ARHGEF7: variants seen among roughly 807,000 people sequenced by gnomAD.
The protein encoded by ARHGEF7 is Rho guanine nucleotide exchange factor 7, also known as PAK-interacting exchange factor beta.
Under a neutral mutation model 109.8 loss-of-function variants are expected in ARHGEF7, and 33 were observed. The ratio of observed to expected loss-of-function variants is 0.30; its 90% confidence interval spans 0.23 to 0.40. The LOEUF (loss-of-function observed/expected upper bound fraction) is 0.40, where lower values mean the gene tolerates loss of function less well. Among genes scored for constraint, ARHGEF7 ranks in the 10% least tolerant of loss-of-function variants. The pLI, the probability that ARHGEF7 is intolerant of heterozygous loss-of-function variation, is 1.00. For synonymous variants in ARHGEF7, 458 were observed against 424.6 expected, an observed-to-expected ratio of 1.08 and a Z score of -0.97; for missense variants, 938 against 1,098.5, an observed-to-expected ratio of 0.85 and a Z score of 2.07.
chr13:111,186,893 C>T (rs770938024), intron 2 of ARHGEF7: 8 of 985,538 alleles, frequency 8.1e-6, no homozygotes, highest in Non-Finnish European at 9.6e-6. Flanking sequence ...ACGACTACTT[C>T]TTTCCCCATT....
intron 8 of ARHGEF7, among the ~76,000 whole-genome samples, chr13:111,245,798 C>G (rs1164414475): frequency 6.6e-6 from 1 of 152,228 alleles, no homozygotes; most frequent in African/African-American, 2.4e-5. Flanking sequence ...TGCCTTTTGT[C>G]TAACATTTCC....
chr13:111,188,869 T>A (rs988017127), intron 2 of ARHGEF7, among the ~76,000 whole-genome samples: 4 of 152,224 alleles, frequency 2.6e-5, no homozygotes, highest in African/African-American at 7.2e-5. Context: ...TTTCCTCTCC[T>A]TCAGGAATAA....
At chr13:111,216,277 T>TG (rs1053343228) in intron 4 of ARHGEF7, among the ~76,000 whole-genome samples, 27 of 151,452 alleles carry the variant, frequency 1.8e-4, no homozygotes, top group Admixed American at 2.6e-4. Flanking sequence ...TGTTGCTGGA[T>TG]GGGGGGGTGA....
intron 17 of ARHGEF7, among the ~76,000 whole-genome samples, chr13:111,287,320 G>A (rs868216756): frequency 2.0e-5 from 3 of 152,270 alleles, no homozygotes; most frequent in East Asian, 3.9e-4. Context: ...TGGCTGTGCC[G>A]GGGCTTCTCT....
intron 2 of ARHGEF7, among the ~76,000 whole-genome samples, chr13:111,195,486 A>G (rs1182415493): frequency 6.6e-6 from 1 of 152,242 alleles, no homozygotes; most frequent in Non-Finnish European, 1.5e-5. Flanking sequence ...ATAGTCGTCC[A>G]GGACTGGAGA....
chr13:111,166,277 A>C (rs2077118967), intron 2 of ARHGEF7, among the ~76,000 whole-genome samples: 1 of 152,132 alleles, frequency 6.6e-6, no homozygotes, highest in South Asian at 2.1e-4. Flanking sequence ...AGAGATGGGG[A>C]ATAATAGGAA....
chr13:111,153,896 G>C lies in ARHGEF7; in HGVS notation c.166-9G>C. On this transcript the variant is annotated splice_polypyrimidine_tract_variant and intron_variant, in intron 1 of 21. Coordinates refer to ENST00000646102, the MANE Select transcript of ARHGEF7 (RefSeq NM_001354046.2). ...CCACGGCGCTCAGCGCTTGTGCTCT[G>C]TATTGCAGGTCTACCCCGAGCCCCG... 2 of 1,601,420 alleles carry C rather than the reference G, an allele frequency of 1.2e-6. No homozygotes were observed. Among genetic ancestry groups the C allele is most frequent in the Non-Finnish European group, 1.7e-6 (2 of 1,175,760 alleles).
intron 2 of ARHGEF7, among the ~76,000 whole-genome samples, chr13:111,197,786 G>T (rs183502083): frequency 2.0e-5 from 3 of 152,226 alleles, no homozygotes; most frequent in Admixed American, 2.0e-4. Context: ...TGATTGGCGG[G>T]CCCGGGTGCC....
chr13:111,281,902 G>A (rs992247351), intron 15 of ARHGEF7, among the ~76,000 whole-genome samples: 2 of 152,218 alleles, frequency 1.3e-5, no homozygotes, highest in Non-Finnish European at 2.9e-5. Flanking sequence ...GATGTATTCT[G>A]TGATCCAACT....
Position 111,243,903 on chromosome 13 carries a change from A to T in ARHGEF7, c.791A>T (p.Glu264Val), listed in dbSNP as rs368504777. The T allele has an allele frequency of 3.1e-6, 5 of 1,612,060 alleles. No homozygotes were observed. Among genetic ancestry groups the T allele is most frequent in the Non-Finnish European group, 4.2e-6 (5 of 1,178,642 alleles). ...VLQNILETENEYSKELQTVLS... is the reference protein window; with the variant it reads ...VLQNILETENVYSKELQTVLS... Reference sequence around the variant, plus strand: ...CAGAATATTTTAGAAACAGAAAATGAATATTCTAAAGAACTTCAGACTGTG... The same window carrying T: ...CAGAATATTTTAGAAACAGAAAATGTATATTCTAAAGAACTTCAGACTGTG... The change falls in exon 7 of 22, where the codon GAA (glutamate) becomes GTA (valine). Residue 264 changes from glutamate to valine, a missense_variant. By Grantham distance (121) the Glu-to-Val change is moderately radical. This residue lies in a region of ARHGEF7 where 585 missense variants were observed against 723.6 expected (regional missense o/e 0.81). Transcript: ENST00000646102.
At chr13:111,170,706 G>C (rs1044348818) in intron 2 of ARHGEF7, among the ~76,000 whole-genome samples, 5 of 152,190 alleles carry the variant, frequency 3.3e-5, no homozygotes, top group Admixed American at 6.5e-5. Flanking sequence ...CTACCCCAAG[G>C]GTCTGGCTCC....
At chr13:111,213,268 C>A (rs746088883) in intron 4 of ARHGEF7, among the ~76,000 whole-genome samples, 1 of 152,146 alleles carries the variant, frequency 6.6e-6, no homozygotes, top group African/African-American at 2.4e-5. Flanking sequence ...CCGGCCAGGT[C>A]GTGTGTGCCT....
intron 2 of ARHGEF7, among the ~76,000 whole-genome samples, chr13:111,186,206 G>T (rs1229452368): frequency 6.6e-6 from 1 of 152,102 alleles, no homozygotes; most frequent in Admixed American, 6.6e-5. Context: ...GAAGAGCCCT[G>T]CCTGCCTTCC....
chr13:111,294,664 C>T, intron 19 of ARHGEF7: 1 of 985,432 alleles, frequency 1.0e-6, no homozygotes, highest in Non-Finnish European at 1.2e-6. Flanking sequence ...GACAGTTCTC[C>T]TGTGGCAGTG....
chr13:111,302,371 A>G (rs540381894), intron 21 of ARHGEF7, among the ~76,000 whole-genome samples: 1 of 152,314 alleles, frequency 6.6e-6, no homozygotes, highest in Non-Finnish European at 1.5e-5. Context: ...GAACAGCCTG[A>G]GAAGAGTTGT....
At chr13:111,198,116 G>A (rs1231724340) in intron 2 of ARHGEF7, among the ~76,000 whole-genome samples, 2 of 152,142 alleles carry the variant, frequency 1.3e-5, no homozygotes, top group Admixed American at 6.5e-5. Flanking sequence ...GCAAACCACC[G>A]CTCCCAACTC....
chr13:111,261,277 A>G (rs1241228889), intron 8 of ARHGEF7, among the ~76,000 whole-genome samples: 1 of 152,200 alleles, frequency 6.6e-6, no homozygotes. Context: ...GGAATGGAAA[A>G]AGATACTCCA....
At chr13:111,245,009 A>G (rs1806371527) in intron 8 of ARHGEF7, among the ~76,000 whole-genome samples, 1 of 152,196 alleles carries the variant, frequency 6.6e-6, no homozygotes, top group African/African-American at 2.4e-5. Context: ...GGTCAGGTGA[A>G]TATGGCAGAT....
chr13:111,177,253 T>C lies in ARHGEF7; in HGVS notation c.252+23262T>C, dbSNP rs557685259. ...GGTGCATTGTGGCCGGGGCTGAGGC[T>C]GGGCCTGTTGTGATGCACTTCCTGT... On this transcript the variant is annotated intron_variant, in intron 2 of 21. Coordinates refer to ENST00000646102, the MANE Select transcript of ARHGEF7 (RefSeq NM_001354046.2). 5.9e-5 allele frequency among the ~76,000 whole-genome samples: 9 copies of C among 152,342 alleles called. No individual in the cohort carries two copies. In the East Asian group the frequency reaches 1.7e-3, roughly 29 times the overall value.
Sources: allele counts gnomAD v4.1 joint callset (sites outside exome capture counted in the v4.1 genomes callset), GRCh38; gene constraint gnomAD v4.1.1; regional missense constraint gnomAD v4.1.1; transcripts MANE v1.5; gene names NCBI Gene and HGNC (gene_info 2026-07-23, HGNC 2026-07-21).